TLE4: variants seen among roughly 807,000 people sequenced by gnomAD.
TLE4 encodes TLE family member 4, transcriptional corepressor, also known as transducin-like enhancer protein 4.
TLE4 carries 8 observed loss-of-function variants against 92.8 expected under a neutral mutation model. The observed-to-expected ratio is 0.09, with a 90% CI of 0.05 to 0.16. The LOEUF is 0.16. TLE4 is among the 10% of genes least tolerant of loss of function. The pLI, the probability that TLE4 is intolerant of heterozygous loss-of-function variation, is 1.00. For missense variants in TLE4, 675 were observed against 997.6 expected, an observed-to-expected ratio of 0.68 and a Z score of 4.36; for synonymous variants, 371 against 374.1, an observed-to-expected ratio of 0.99 and a Z score of 0.10.
chr9:79,675,906 T>A (rs185506728), intron 8 of TLE4, among the ~76,000 whole-genome samples: 1 of 152,134 alleles, frequency 6.6e-6, no homozygotes, highest in Non-Finnish European at 1.5e-5. Flanking sequence ...GCATCCAAAA[T>A]CTGAAAAATC....
At chr9:79,715,562 C>A (rs2136135679) in intron 14 of TLE4, among the ~76,000 whole-genome samples, 1 of 152,238 alleles carries the variant, frequency 6.6e-6, no homozygotes, top group Middle Eastern at 3.4e-3. Context: ...TCCAGCCTCT[C>A]CATGAACAGA....
chr9:79,720,812 A>G (rs1001488415), intron 16 of TLE4, among the ~76,000 whole-genome samples: 15 of 152,160 alleles, frequency 9.9e-5, no homozygotes, highest in Non-Finnish European at 1.9e-4. Context: ...CCATGGGCCT[A>G]TGCACTGTAT....
chr9:79,600,961 A>G (rs1435847271), intron 4 of TLE4, among the ~76,000 whole-genome samples: 2 of 152,180 alleles, frequency 1.3e-5, no homozygotes, highest in Admixed American at 6.5e-5. Flanking sequence ...AGATAACATT[A>G]TAGAGATTTC....
intron 16 of TLE4, 62 bp downstream of exon 16, chr9:79,720,355 A>G: frequency 6.5e-7 from 1 of 1,530,892 alleles, no homozygotes; most frequent in South Asian, 1.2e-5. Flanking sequence ...TATTTTGCCA[A>G]AGTGCTGTGT....
intron 4 of TLE4, among the ~76,000 whole-genome samples, chr9:79,597,301 C>T (rs1022232180): frequency 2.6e-5 from 4 of 152,138 alleles, no homozygotes; most frequent in African/African-American, 9.7e-5. Flanking sequence ...CTTGCTGGAC[C>T]TCCCGGTCTA....
intron 8 of TLE4, among the ~76,000 whole-genome samples, chr9:79,700,650 C>A (rs778879027): frequency 1.3e-4 from 20 of 151,896 alleles, no homozygotes; most frequent in Non-Finnish European, 2.5e-4. Flanking sequence ...GTATTTTTTT[C>A]TTGGTTTCTC....
intron 4 of TLE4, among the ~76,000 whole-genome samples, chr9:79,600,698 G>A (rs1285008836): frequency 6.6e-6 from 1 of 152,130 alleles, no homozygotes; most frequent in East Asian, 1.9e-4. Flanking sequence ...GATTTGAATA[G>A]CCTGTTCTCT....
chr9:79,606,103 T>C (rs935066123), intron 4 of TLE4, among the ~76,000 whole-genome samples: 3 of 151,056 alleles, frequency 2.0e-5, no homozygotes, highest in African/African-American at 7.3e-5. Flanking sequence ...AATCAGTCCT[T>C]TAGGAACCTG....
chr9:79,655,512 A>G (rs2059656672), intron 8 of TLE4, among the ~76,000 whole-genome samples: 1 of 152,154 alleles, frequency 6.6e-6, no homozygotes, highest in South Asian at 2.1e-4. Flanking sequence ...ACCCTTCAAG[A>G]ATCTTTGTAA....
At chr9:79,711,674 G>A (rs2073325280) in intron 14 of TLE4, among the ~76,000 whole-genome samples, 1 of 152,192 alleles carries the variant, frequency 6.6e-6, no homozygotes, top group African/African-American at 2.4e-5. Flanking sequence ...ATTTGGACCA[G>A]TTAAACCACT....
At chr9:79,598,633 G>T (rs1367917208) in intron 4 of TLE4, among the ~76,000 whole-genome samples, 1 of 151,976 alleles carries the variant, frequency 6.6e-6, no homozygotes, top group Admixed American at 6.6e-5. Context: ...TTCCTGTACT[G>T]TTTTTTTCAG....
chr9:79,710,487 A>T (rs1383212302), intron 14 of TLE4, among the ~76,000 whole-genome samples: 2 of 152,056 alleles, frequency 1.3e-5, no homozygotes, highest in Admixed American at 1.3e-4. Context: ...TTCTGTGGGC[A>T]TCCCCTCTGT....
chr9:79,606,692 C>G (rs910411744), intron 4 of TLE4, among the ~76,000 whole-genome samples: 4 of 152,082 alleles, frequency 2.6e-5, no homozygotes, highest in African/African-American at 9.7e-5. Flanking sequence ...CATGTCTCTG[C>G]AAAGGACATG....
chr9:79,619,163 T>C (rs2050352370), intron 5 of TLE4, among the ~76,000 whole-genome samples: 3 of 152,332 alleles, frequency 2.0e-5, no homozygotes, highest in South Asian at 4.1e-4. Context: ...ATGAGTTTAT[T>C]TGAATTATAA....
chr9:79,596,540 C>T (rs1001447084), intron 4 of TLE4, among the ~76,000 whole-genome samples: 3 of 152,160 alleles, frequency 2.0e-5, no homozygotes, highest in African/African-American at 7.2e-5. Flanking sequence ...CATCCCCATC[C>T]CACTTTAGAT....
Position 79,572,783 on chromosome 9 carries a change from C to A in TLE4, c.-8C>A, listed in dbSNP as rs775500015. 3.8e-6 allele frequency: 6 copies of A among 1,599,212 alleles called. No individual in the cohort carries two copies. Among genetic ancestry groups the A allele is most frequent in the Non-Finnish European group, 5.1e-6 (6 of 1,173,794 alleles). On this transcript the variant is annotated 5_prime_UTR_variant, in exon 1 of 20. Coordinates refer to ENST00000376552, the MANE Select transcript of TLE4 (RefSeq NM_007005.6). ...CTCTGCCGAGCGCAGCCAACTAAAT[C>A]GGCTTGGATGATTCGCGACCTGAGC... is the stretch of plus-strand genomic sequence containing the variant.
intron 4 of TLE4, among the ~76,000 whole-genome samples, chr9:79,600,214 AAT>A (rs2045261876): frequency 6.6e-6 from 1 of 152,234 alleles, no homozygotes; most frequent in African/African-American, 2.4e-5. Context: ...ATAGGAACAC[AAT>A]AGTTTGCTTT....
chr9:79,723,385 A>G (rs2075942529), intron 19 of TLE4, among the ~76,000 whole-genome samples: 1 of 152,218 alleles, frequency 6.6e-6, no homozygotes, highest in Admixed American at 6.5e-5. Flanking sequence ...TTTTGCTTAA[A>G]TACACTCTTG....
At chr9:79,576,283 T>A in intron 4 of TLE4, 106 bp downstream of exon 4, 1 of 789,150 alleles carries the variant, frequency 1.3e-6, no homozygotes, top group South Asian at 2.6e-5. Context: ...TGTGGCTACC[T>A]GTATTTAAAA....
Sources: gnomAD v4.1 joint callset for allele counts (sites outside exome capture counted in the v4.1 genomes callset) on GRCh38, gnomAD v4.1.1 for gene constraint, MANE v1.5 for transcripts, NCBI Gene and HGNC (gene_info 2026-07-23, HGNC 2026-07-21) for gene names.